Variants in GALNTL6 observed in about 807,000 individuals in gnomAD.
The protein encoded by GALNTL6 is polypeptide N-acetylgalactosaminyltransferase like 6.
A neutral mutation model predicts 73.7 loss-of-function variants in GALNTL6; 46 were observed. The ratio of observed to expected loss-of-function variants is 0.62; its 90% CI spans 0.49 to 0.80. GALNTL6 has a LOEUF of 0.80. GALNTL6 is among the 30% of genes least tolerant of loss of function. The pLI, the probability that GALNTL6 is intolerant of heterozygous loss-of-function variation, is 0.00. For synonymous variants in GALNTL6, 259 were observed against 263.7 expected, an observed-to-expected ratio of 0.98 and a Z score of 0.17; for missense variants, 604 against 755.0, an observed-to-expected ratio of 0.80 and a Z score of 2.34.
At chr4:171,992,294 T>C (rs774039383) in intron 2 of GALNTL6, among the ~76,000 whole-genome samples, 4 of 152,086 alleles carry the variant, frequency 2.6e-5, no homozygotes, top group South Asian at 4.2e-4. Flanking sequence ...TCCCTAATCC[T>C]GAGTATATTT....
At chr4:173,004,743 G>A (rs1230345951) in intron 10 of GALNTL6, among the ~76,000 whole-genome samples, 2 of 152,166 alleles carry the variant, frequency 1.3e-5, no homozygotes, top group African/African-American at 4.8e-5. Context: ...GAAGTCTCAA[G>A]CCTTTCTTCC....
chr4:172,142,161 T>C (rs1262331841), intron 2 of GALNTL6, among the ~76,000 whole-genome samples: 3 of 152,024 alleles, frequency 2.0e-5, no homozygotes, highest in African/African-American at 4.8e-5. Flanking sequence ...AAATAATTTA[T>C]CTACATGGCT....
chr4:172,899,468 G>T (rs180795123), intron 8 of GALNTL6, among the ~76,000 whole-genome samples: 9 of 141,000 alleles, frequency 6.4e-5, no homozygotes, highest in African/African-American at 2.7e-4. Flanking sequence ...ATTTACTAAC[G>T]TCTTTTGGGT....
intron 5 of GALNTL6, among the ~76,000 whole-genome samples, chr4:172,631,238 G>A (rs374772366): frequency 7.3e-5 from 11 of 151,704 alleles, no homozygotes; most frequent in Admixed American, 2.0e-4. Flanking sequence ...TCCGCCTCCC[G>A]GGTTCTAGCA....
At chr4:172,405,409 A>G (rs905463907) in intron 5 of GALNTL6, among the ~76,000 whole-genome samples, 1 of 6,002 alleles carries the variant, frequency 1.7e-4, no homozygotes, top group East Asian at 5.7e-3. Flanking sequence ...CTTGATATAT[A>G]TATATATATA....
chr4:171,972,948 T>A lies in GALNTL6; in HGVS notation c.138+158230T>A, dbSNP rs542694435. Among the ~76,000 whole-genome samples the A allele has an allele frequency of 8.2e-4, 125 of 152,332 alleles. 2 individuals carry two copies. The highest frequency in any genetic ancestry group is 5.4e-3 in the South Asian group (26 of 4,826). Reference sequence around the variant, plus strand: ...CGAATTTCTTCTTAAAAAGGAATTGTGTCAGAATAATAAAGTATATTATGA... The same window carrying A: ...CGAATTTCTTCTTAAAAAGGAATTGAGTCAGAATAATAAAGTATATTATGA... On this transcript the variant is annotated intron_variant, in intron 2 of 12. Coordinates refer to ENST00000506823, the MANE Select transcript of GALNTL6 (RefSeq NM_001034845.3).
chr4:172,860,603 G>A (rs999777285), intron 7 of GALNTL6, among the ~76,000 whole-genome samples: 5 of 152,108 alleles, frequency 3.3e-5, no homozygotes, highest in African/African-American at 1.2e-4. Context: ...ACCAAAAAGT[G>A]CTGAGAAAAC....
chr4:171,942,465 A>G (rs1316946107), intron 2 of GALNTL6, among the ~76,000 whole-genome samples: 1 of 152,114 alleles, frequency 6.6e-6, no homozygotes, highest in African/African-American at 2.4e-5. Flanking sequence ...TTGAATCACT[A>G]TTACTCTGCT....
At chr4:172,911,595 C>G (rs1479580216) in intron 8 of GALNTL6, among the ~76,000 whole-genome samples, 1 of 152,036 alleles carries the variant, frequency 6.6e-6, no homozygotes, top group Non-Finnish European at 1.5e-5. Context: ...TTCAACATGC[C>G]CAGAATTGAT....
At chr4:172,913,598 C>G (rs1297115069) in intron 8 of GALNTL6, among the ~76,000 whole-genome samples, 2 of 152,056 alleles carry the variant, frequency 1.3e-5, no homozygotes, top group African/African-American at 2.4e-5. Context: ...GACGCATGCA[C>G]AAGCTTCAGT....
At chr4:172,747,388 A>G (rs1737169990) in intron 5 of GALNTL6, among the ~76,000 whole-genome samples, 1 of 151,740 alleles carries the variant, frequency 6.6e-6, no homozygotes, top group Non-Finnish European at 1.5e-5. Flanking sequence ...GAAGACATAC[A>G]AATGAGATGA....
At chr4:171,833,633 T>G (rs1211923167) in intron 2 of GALNTL6, among the ~76,000 whole-genome samples, 9 of 151,820 alleles carry the variant, frequency 5.9e-5, no homozygotes, top group Non-Finnish European at 1.2e-4. Flanking sequence ...TCCACTCTTC[T>G]GCTCTTCTGG....
intron 2 of GALNTL6, among the ~76,000 whole-genome samples, chr4:172,151,349 A>T (rs1416772717): frequency 6.6e-6 from 1 of 152,210 alleles, no homozygotes; most frequent in Non-Finnish European, 1.5e-5. Context: ...TTTTTCCGTG[A>T]TGGCAGGAAT....
chr4:172,316,765 G>T (rs1740574396), intron 4 of GALNTL6, among the ~76,000 whole-genome samples: 1 of 152,194 alleles, frequency 6.6e-6, no homozygotes, highest in Non-Finnish European at 1.5e-5. Context: ...TGGTTTAGAT[G>T]CAGGCCAAGT....
At chr4:171,910,163 A>G (rs1331595417) in intron 2 of GALNTL6, among the ~76,000 whole-genome samples, 1 of 152,110 alleles carries the variant, frequency 6.6e-6, no homozygotes, top group African/African-American at 2.4e-5. Flanking sequence ...CAAAAACAAA[A>G]CAGAGCAAAA....
chr4:172,853,816 C>G (rs182243237), intron 7 of GALNTL6, among the ~76,000 whole-genome samples: 9 of 152,350 alleles, frequency 5.9e-5, no homozygotes, highest in East Asian at 3.9e-4. Flanking sequence ...AACCTGCTTT[C>G]CAAAGCAGGT....
At chr4:172,268,657 A>G (rs887517482) in intron 3 of GALNTL6, among the ~76,000 whole-genome samples, 3 of 152,200 alleles carry the variant, frequency 2.0e-5, no homozygotes, top group African/African-American at 7.2e-5. Flanking sequence ...TGGAAGCCCT[A>G]ACACCCAGTG....
intron 8 of GALNTL6, among the ~76,000 whole-genome samples, chr4:172,890,141 C>G (rs1256266185): frequency 6.6e-6 from 1 of 152,070 alleles, no homozygotes; most frequent in African/African-American, 2.4e-5. Context: ...GATCTTCTCT[C>G]TTTTTTTCTT....
chr4:172,258,260 G>A (rs916787061), intron 3 of GALNTL6, among the ~76,000 whole-genome samples: 7 of 151,228 alleles, frequency 4.6e-5, no homozygotes, highest in African/African-American at 1.7e-4. Flanking sequence ...CCTTTATATT[G>A]TTGCTTTGGG....
Sources: allele counts gnomAD v4.1 joint callset (sites outside exome capture counted in the v4.1 genomes callset), GRCh38; gene constraint gnomAD v4.1.1; transcripts MANE v1.5; gene names NCBI Gene and HGNC (gene_info 2026-07-23, HGNC 2026-07-21).